The following MYH6 variants were observed in gnomAD, a reference collection of about 807,000 sequenced individuals.
MYH6 encodes the protein myosin heavy chain 6, also known as myosin-6.
In MYH6, 126 loss-of-function variants were observed where a neutral mutation model predicts 223.2. That is an observed-to-expected ratio of 0.56 (90% confidence interval 0.49 to 0.65). The LOEUF (loss-of-function observed/expected upper bound fraction) is 0.65. Among genes scored for constraint, MYH6 ranks in the 30% least tolerant of loss-of-function variants. The pLI, the probability that MYH6 is intolerant of heterozygous loss-of-function variation, is 0.00. For missense variants in MYH6, 2,040 were observed against 2,536.4 expected (o/e 0.80, Z 4.20); for synonymous variants, 978 against 1,010.2 (o/e 0.97, Z 0.61).
Position 23,400,919 on chromosome 14 carries a change from C to T in MYH6, c.1200G>A (p.Leu400=), listed in dbSNP as rs765041539. The change falls in exon 13 of 39, where the codon CTG becomes CTA. Residue 400 remains leucine (L), a synonymous_variant. Transcript: ENST00000405093. ...TGCCCACTTTCACCCGAGGGTGGCACAGCCCCTTGAGCAGGTCAGCTGAGT... is the reference window on the plus strand; with the variant it reads ...TGCCCACTTTCACCCGAGGGTGGCATAGCCCCTTGAGCAGGTCAGCTGAGT... ...GLNSADLLKG[L]CHPRVKVGNE... is the part of the protein sequence containing the mutation. The T allele has an allele frequency of 3.7e-6, 6 of 1,614,262 alleles. No individual in the cohort carries two copies. The highest frequency in any genetic ancestry group is 5.1e-6 in the Non-Finnish European group (6 of 1,180,052).
Position 23,388,169 on chromosome 14 carries a change from T to C in MYH6, c.4345A>G (p.Arg1449Gly), listed in dbSNP as rs766943407. 10 of 1,612,322 alleles carry C rather than the reference T, an allele frequency of 6.2e-6. No individual in the cohort carries two copies. The East Asian group carries it at 2.2e-4, about 36-fold the overall frequency. ...AAAAALDKKQ[R>G]NFDKILAEWK... The stretch of plus-strand genomic sequence containing the variant: ...CCATGGTCCACCTTGTCAAAGTTTC[T>C]CTGCTTCTTGTCCAGGGCTGCAGCA... Residue 1449 changes from arginine (R) to glycine (G), a missense_variant, in exon 30 of 39, where the codon AGA (arginine) becomes GGA (glycine). Physicochemically the swap from Arg to Gly is moderately radical, Grantham distance 125. This residue lies in a region of MYH6 where 1,203 missense variants were observed against 1,400.2 expected (regional missense o/e 0.86). Transcript: ENST00000405093.
chr14:23,393,126 C>T (rs1891288215), intron 23 of MYH6, 69 bp from the exon 24 acceptor site: 1 of 1,600,236 alleles, frequency 6.2e-7, no homozygotes, highest in South Asian at 1.1e-5. Context: ...CTTTTGCCTC[C>T]TTCTAAACTT....
intron 28 of MYH6, 129 bp from the exon 29 acceptor site, chr14:23,389,184 T>C (rs1891147922): frequency 1.6e-6 from 2 of 1,252,528 alleles, no homozygotes; most frequent in Non-Finnish European, 2.2e-6. Flanking sequence ...GGCACCTCAC[T>C]GTTTGAGGAG....
intron 11 of MYH6, 37 bp from the exon 12 acceptor site, chr14:23,402,639 C>T (rs776055412): frequency 2.2e-5 from 35 of 1,613,552 alleles, no homozygotes; most frequent in Middle Eastern, 1.6e-4. Context: ...GGGGTTGGAG[C>T]GGTGGCCCCA....
In MYH6 at chr14:23,408,259, C is replaced by A; in HGVS notation, c.-53G>T. ...ACCCCAAACCTCCTCTTACCTGGGC[C>A]GCAGGAGTCTCTCTATCTGTCCTCA... On this transcript the variant is annotated 5_prime_UTR_variant, in exon 1 of 39. Transcript: ENST00000405093. 1 of 985,432 alleles carries A rather than the reference C, an allele frequency of 1.0e-6. No individual in the cohort carries two copies. Among genetic ancestry groups the A allele is most frequent in the Non-Finnish European group, 1.2e-6 (1 of 829,958 alleles). 61.0% of individuals were successfully genotyped at this position (985,432 alleles called of 1,614,324 possible). A position where few individuals can be genotyped will look rare whatever the true frequency, so the allele number is the denominator to read the frequency against.
At chr14:23,392,503 G>T (rs1264483738) in intron 25 of MYH6, 59 bp downstream of exon 25, 1 of 1,259,812 alleles carries the variant, frequency 7.9e-7, no homozygotes, top group Non-Finnish European at 1.2e-6. Context: ...AGCTGCTGCA[G>T]CCTCAGTTAC....
chr14:23,386,542 G>A lies in MYH6; in HGVS notation c.4732C>T (p.Leu1578=). The A allele has an allele frequency of 6.2e-7, 1 of 1,614,074 alleles. No homozygotes were observed. Among genetic ancestry groups the A allele is most frequent in the Non-Finnish European group, 8.5e-7 (1 of 1,179,982 alleles). Residue 1578 remains leucine, a synonymous_variant, in exon 33 of 39, where the codon CTG becomes TTG. Coordinates refer to ENST00000405093, the MANE Select transcript of MYH6 (RefSeq NM_002471.4). ...NQIKAEIERK[L]AEKDEEMEQA... is the part of the protein sequence containing the mutation. ...TCCATCTCCTCGTCCTTCTCTGCCAGCTTCCGCTCGATCTCTGCCTTGATC... is the reference window on the plus strand; with the variant it reads ...TCCATCTCCTCGTCCTTCTCTGCCAACTTCCGCTCGATCTCTGCCTTGATC...
chr14:23,397,933 TC>T, intron 15 of MYH6, among the ~76,000 whole-genome samples: 1 of 58,552 alleles, frequency 1.7e-5, no homozygotes, highest in Non-Finnish European at 3.5e-5. Flanking sequence ...CTCCTCCTCC[TC>T]TTCTTCTTCT....
chr14:23,395,761 C>G (rs1303007567), intron 20 of MYH6, among the ~76,000 whole-genome samples: 1 of 152,126 alleles, frequency 6.6e-6, no homozygotes, highest in Non-Finnish European at 1.5e-5. Flanking sequence ...ATCTCCTGAC[C>G]TCGTGATCCA....
Position 23,387,797 on chromosome 14 carries a change from G to A in MYH6, c.4486C>T (p.His1496Tyr), listed in dbSNP as rs1382622446. ...LKNAYEESLE[H>Y]LETFKRENKN... ...TTCTCCCGCTTGAAGGTCTCTAGGT[G>A]CTCCAGGGACTCCTCGTAGGCGTTC... is the stretch of plus-strand genomic sequence containing the variant. The change falls in exon 31 of 39, where the codon CAC becomes TAC. Residue 1496 changes from histidine (H) to tyrosine (Y), a missense_variant. By Grantham distance (83) the His-to-Tyr change is moderately conservative. Around this residue, in one of 4 missense-constraint regions of MYH6, gnomAD observed 1,203 missense variants for 1,400.2 expected, o/e 0.86. Transcript: ENST00000405093. 12 of 1,613,938 alleles carry A rather than the reference G, an allele frequency of 7.4e-6. No individual in the cohort carries two copies. The East Asian group carries it at 2.7e-4, about 36-fold the overall frequency.
rs572166613 is a variant in MYH6, at chr14:23,405,936, A to G, written c.202-166T>C. On this transcript the variant is annotated intron_variant, in intron 3 of 38. Transcript: ENST00000405093. The surrounding 1 kb of genome is among the most constrained non-coding windows in gnomAD (Gnocchi z 4.7). ...CGATGTCCCCTGGGACACTTTCCCC[A>G]GGTAATTTCCCTTCCCATTGTATCT... Among the ~76,000 whole-genome samples, 4 of 152,018 alleles carry G rather than the reference A, an allele frequency of 2.6e-5. No homozygotes were observed. Among genetic ancestry groups the G allele is most frequent in the Non-Finnish European group, 5.9e-5 (4 of 67,952 alleles).
Position 23,390,334 on chromosome 14 carries a change from A to G in MYH6, c.3455T>C (p.Leu1152Pro). ...GGACGTGGCCCCGCCGGCCTCTTCCAGCCGCTCGCTGATCTCCTCCAGCTC... is the reference window on the plus strand; with the variant it reads ...GGACGTGGCCCCGCCGGCCTCTTCCGGCCGCTCGCTGATCTCCTCCAGCTC... ...SRELEEISER[L>P]EEAGGATSVQ... The change falls in exon 26 of 39, where the codon CTG becomes CCG. Residue 1152 changes from leucine (L) to proline (P), a missense_variant. Physicochemically the swap from Leu to Pro is moderately conservative, Grantham distance 98. Transcript: ENST00000405093. 6.2e-7 allele frequency: 1 copy of G among 1,607,610 alleles called. No individual in the cohort carries two copies. The highest frequency in any genetic ancestry group is 8.5e-7 in the Non-Finnish European group (1 of 1,179,170).
intron 16 of MYH6, 62 bp downstream of exon 16, chr14:23,397,481 G>A (rs1030783387): frequency 1.3e-6 from 2 of 1,564,756 alleles, no homozygotes; most frequent in African/African-American, 2.7e-5. Context: ...AGGTGGTGCA[G>A]CCAGAAGTCT....
intron 15 of MYH6, 50 bp from the exon 16 acceptor site, chr14:23,397,663 C>A (rs201845555): frequency 6.9e-6 from 11 of 1,592,742 alleles, no homozygotes; most frequent in Middle Eastern, 1.7e-4. Context: ...AATAAAGGAG[C>A]CCTTGGGCAG....
Position 23,393,254 on chromosome 14 carries a change from T to A in MYH6, c.3105+88A>T, listed in dbSNP as rs548256505. ...AAAAAAGCTTCAGGGGCCATAGAAG[T>A]TAATTCTAGGGATCAGGACTTTCTG... On this transcript the variant is annotated intron_variant, in intron 23 of 38. Coordinates refer to ENST00000405093, the MANE Select transcript of MYH6 (RefSeq NM_002471.4). The A allele has an allele frequency of 1.9e-6, 3 of 1,570,124 alleles. No individual in the cohort carries two copies. The African/African-American group carries it at 4.1e-5, about 21-fold the overall frequency.
rs1891134863 is a variant in MYH6, at chr14:23,388,977, T to A, written c.4057A>T (p.Thr1353Ser). 1 of 1,613,090 alleles carries A rather than the reference T, an allele frequency of 6.2e-7. No individual in the cohort carries two copies. The highest frequency in any genetic ancestry group is 1.1e-5 in the South Asian group (1 of 91,018). The part of the protein sequence containing the change: ...DLLREQYEEE[T>S]EAKAELQRVL... Reference sequence around the variant, plus strand: ...CGCTGCAGCTCGGCCTTGGCCTCTGTCTCCTCCTCGTACTGCTCCCGCAGC... The same window carrying A: ...CGCTGCAGCTCGGCCTTGGCCTCTGACTCCTCCTCGTACTGCTCCCGCAGC... Residue 1353 changes from threonine to serine, a missense_variant, in exon 29 of 39, where the codon ACA (threonine) becomes TCA (serine). Coordinates refer to ENST00000405093, the MANE Select transcript of MYH6 (RefSeq NM_002471.4).
chr14:23,386,314 C>G lies in MYH6; in HGVS notation c.4959+1G>C, dbSNP rs1355717096. On this transcript the variant is annotated splice_donor_variant, in intron 33 of 38. Transcript: ENST00000405093. LOFTEE classifies it high-confidence loss of function. ...TGAGGGGACCTCCCGCCCCCATGTA[C>G]CTTCAGCAAGCTCTGGAGGCTCTTG... 1 of 1,614,144 alleles carries G rather than the reference C, an allele frequency of 6.2e-7. No homozygotes were observed. The highest frequency in any genetic ancestry group is 1.1e-5 in the South Asian group (1 of 91,082).
chr14:23,392,766 C>A, intron 24 of MYH6, 114 bp from the exon 25 acceptor site: 2 of 1,470,818 alleles, frequency 1.4e-6, no homozygotes, highest in Non-Finnish European at 1.9e-6. Context: ...CCCTCGCCAG[C>A]CCAGAAAGTG....
At position 23,387,643 on chromosome 14, in the gene MYH6, C is replaced by G. The variant is rs142539180; in HGVS notation, c.4536G>C (p.Ser1512=). 6.2e-7 allele frequency: 1 copy of G among 1,614,066 alleles called. No homozygotes were observed. Among genetic ancestry groups the G allele is most frequent in the Non-Finnish European group, 8.5e-7 (1 of 1,180,002 alleles). The change falls in exon 32 of 39, where the codon TCG becomes TCC. Residue 1512 remains serine (S), a synonymous_variant. Coordinates refer to ENST00000405093, the MANE Select transcript of MYH6 (RefSeq NM_002471.4). The stretch of plus-strand genomic sequence containing the variant: ...CTTCTCCTAGCTGCTCAGTAAGGTC[C>G]GAGATTTCCTCTGGGGACCAGAGGG... ...RENKNLQEEI[S]DLTEQLGEGG...
Sources: allele counts gnomAD v4.1 joint callset (sites outside exome capture counted in the v4.1 genomes callset), GRCh38; gene constraint gnomAD v4.1.1; regional missense constraint gnomAD v4.1.1; non-coding constraint Gnocchi (gnomAD v3.1); transcripts MANE v1.5; gene names NCBI Gene and HGNC (gene_info 2026-07-23, HGNC 2026-07-21).